The following SORT1 variants were observed in gnomAD, a reference collection of about 807,000 sequenced individuals.
SORT1 encodes sortilin.
A neutral mutation model predicts 101.7 loss-of-function variants in SORT1; 39 were observed. The ratio of observed to expected loss-of-function variants is 0.38; its 90% confidence interval spans 0.30 to 0.50. The LOEUF is 0.50. Ranked by LOEUF, SORT1 falls within the 20% of genes least tolerant of loss-of-function variation. The probability of loss-of-function intolerance (pLI) is 0.90; values close to 1 mark genes in which losing one functional copy is unlikely to be tolerated. For synonymous variants in SORT1, 396 were observed against 393.7 expected (o/e 1.01, Z -0.07); for missense variants, 878 against 1,040.4 (o/e 0.84, Z 2.15).
intron 15 of SORT1, among the ~76,000 whole-genome samples, chr1:109,322,696 AT>A (rs1266344436): frequency 2.0e-5 from 3 of 151,312 alleles, no homozygotes; most frequent in African/African-American, 7.3e-5. Context: ...TGCCCTGCTA[AT>A]TTTTTTTTGT....
chr1:109,379,714 CT>C (rs1441958456), intron 1 of SORT1, among the ~76,000 whole-genome samples: 1 of 152,106 alleles, frequency 6.6e-6, no homozygotes, highest in Non-Finnish European at 1.5e-5. Flanking sequence ...ATTATTGCCA[CT>C]TTTGGAAAAA....
At chr1:109,357,695 A>G (rs1026578693) in intron 3 of SORT1, among the ~76,000 whole-genome samples, 3 of 152,184 alleles carry the variant, frequency 2.0e-5, no homozygotes, top group African/African-American at 7.2e-5. Flanking sequence ...GTGTGTATGT[A>G]GAGGTCCCTG....
chr1:109,363,984 G>A lies in SORT1; in HGVS notation c.440+3424C>T, dbSNP rs542232306. Among the ~76,000 whole-genome samples the A allele has an allele frequency of 2.6e-5, 4 of 152,264 alleles. No homozygotes were observed. The South Asian group carries it at 8.3e-4, about 32-fold the overall frequency. The stretch of plus-strand genomic sequence containing the variant: ...GGAAAGGCAACAAGGCATATTTACA[G>A]TTTCCGCCTAAACTCTGGAAGTGGG... On this transcript the variant is annotated intron_variant, in intron 3 of 19. Coordinates refer to ENST00000256637, the MANE Select transcript of SORT1 (RefSeq NM_002959.7).
intron 3 of SORT1, among the ~76,000 whole-genome samples, chr1:109,366,021 GTAGTTTCTA>G (rs1651065100): frequency 6.6e-6 from 1 of 152,202 alleles, no homozygotes; most frequent in Non-Finnish European, 1.5e-5. Flanking sequence ...TGACCCTAGG[GTAGTTTCTA>G]TATCATCTGC....
At chr1:109,379,100 G>A (rs1248492195) in intron 1 of SORT1, among the ~76,000 whole-genome samples, 15 of 151,526 alleles carry the variant, frequency 9.9e-5, no homozygotes, top group African/African-American at 2.2e-4. Context: ...CCGAGACTGC[G>A]CCACTGCACT....
intron 11 of SORT1, among the ~76,000 whole-genome samples, chr1:109,334,826 G>T (rs1279174573): frequency 1.3e-5 from 2 of 151,918 alleles, no homozygotes; most frequent in African/African-American, 2.4e-5. Flanking sequence ...TAAAGCTGGG[G>T]AAAAAAGAAA....
Position 109,312,674 on chromosome 1 carries a change from A to G in SORT1, c.*1369T>C, listed in dbSNP as rs1658797937. ...AAAACTTTCCATACTATATTTCTAT[A>G]TAGCAAATATTCAAGCTGTATTAAA... On this transcript the variant is annotated 3_prime_UTR_variant, in exon 20 of 20. Coordinates refer to ENST00000256637, the MANE Select transcript of SORT1 (RefSeq NM_002959.7). 1 of 152,648 alleles carries G rather than the reference A, an allele frequency of 6.6e-6. No individual in the cohort carries two copies. Among genetic ancestry groups the G allele is most frequent in the Admixed American group, 6.5e-5 (1 of 15,280 alleles). 9.5% of individuals were successfully genotyped at this position (152,648 alleles called of 1,614,324 possible). A position where few individuals can be genotyped will look rare whatever the true frequency, so the allele number is the denominator to read the frequency against.
chr1:109,317,491 T>C (rs1647296401), intron 16 of SORT1, among the ~76,000 whole-genome samples: 1 of 152,256 alleles, frequency 6.6e-6, no homozygotes, highest in South Asian at 2.1e-4. Context: ...GCCTAAACTG[T>C]GCCAGACGAG....
At chr1:109,342,816 A>C (rs1355902905) in intron 8 of SORT1, among the ~76,000 whole-genome samples, 1 of 152,124 alleles carries the variant, frequency 6.6e-6, no homozygotes, top group Non-Finnish European at 1.5e-5. Flanking sequence ...GAAAGCAATT[A>C]AAACTTAACT....
chr1:109,317,883 T>A lies in SORT1; in HGVS notation c.2111A>T (p.Tyr704Phe), dbSNP rs746392929. 1 of 1,613,924 alleles carries A rather than the reference T, an allele frequency of 6.2e-7. No individual in the cohort carries two copies. Among genetic ancestry groups the A allele is most frequent in the South Asian group, 1.1e-5 (1 of 91,082 alleles). The change falls in exon 16 of 20, where the codon TAC (tyrosine) becomes TTC (phenylalanine). Residue 704 changes from tyrosine to phenylalanine, a missense_variant. Coordinates refer to ENST00000256637, the MANE Select transcript of SORT1 (RefSeq NM_002959.7). The stretch of plus-strand genomic sequence containing the variant: ...TGTTGTTAGGTGTTCTTCTCTTCCG[T>A]ACAGACAAAACTCCAGGTCGTGGCC... ...LKGHDLEFCLYGREEHLTTNG... is the reference protein window; with the variant it reads ...LKGHDLEFCLFGREEHLTTNG...
At chr1:109,314,635 G>T in intron 18 of SORT1, 37 bp downstream of exon 18, 1 of 1,418,058 alleles carries the variant, frequency 7.1e-7, no homozygotes, top group Non-Finnish European at 1.0e-6. Flanking sequence ...CTTCTGGCTT[G>T]AACTCAGTAC....
At chr1:109,335,661 T>C (rs527496298) in intron 11 of SORT1, among the ~76,000 whole-genome samples, 228 of 152,214 alleles carry the variant, frequency 1.5e-3, no homozygotes, top group African/African-American at 5.3e-3. Context: ...GTTTTTTTTT[T>C]CCCTTTTTTC....
At chr1:109,336,139 G>A in intron 11 of SORT1, 101 bp downstream of exon 11, 1 of 710,010 alleles carries the variant, frequency 1.4e-6, no homozygotes. Context: ...CTTATGCTGA[G>A]GACCCTAATC....
rs111313667 is a variant in SORT1 at position 109,345,768 on chromosome 1, A to G, written c.946T>C (p.Ser316Pro). 1 of 1,613,736 alleles carries G rather than the reference A, an allele frequency of 6.2e-7. No individual in the cohort carries two copies. Among genetic ancestry groups the G allele is most frequent in the Non-Finnish European group, 8.5e-7 (1 of 1,179,814 alleles). The stretch of plus-strand genomic sequence containing the variant: ...ATACCTACCTTATCAGCCATCACAG[A>G]GGCAAAAAGGAAACGTCCCCCAAGA... The part of the protein sequence containing the change: ...FGLGGRFLFA[S>P]VMADKDTTRR... The change falls in exon 8 of 20, where the codon TCT (serine) becomes CCT (proline). Residue 316 changes from serine (S) to proline (P), a missense_variant. By Grantham distance (74) the Ser-to-Pro change is moderately conservative (BLOSUM62 -1). Around this residue, in one of 2 missense-constraint regions of SORT1, gnomAD observed 684 missense variants for 894.5 expected, o/e 0.76. Transcript: ENST00000256637.
At chr1:109,386,151 T>C (rs2101653419) in intron 1 of SORT1, among the ~76,000 whole-genome samples, 1 of 152,298 alleles carries the variant, frequency 6.6e-6, no homozygotes, top group East Asian at 1.9e-4. Context: ...AGTCAAAAAG[T>C]TGGTAAGTGG....
At chr1:109,342,830 T>C (rs1649318758) in intron 8 of SORT1, among the ~76,000 whole-genome samples, 1 of 152,136 alleles carries the variant, frequency 6.6e-6, no homozygotes, top group East Asian at 1.9e-4. Context: ...CTTAACTCTC[T>C]GATAAATAGC....
At chr1:109,372,446 T>A (rs185898500) in intron 1 of SORT1, among the ~76,000 whole-genome samples, 73 of 152,246 alleles carry the variant, frequency 4.8e-4, no homozygotes, top group Non-Finnish European at 7.6e-4. Context: ...TTGAAAAAGA[T>A]GACGCCCAAG....
intron 1 of SORT1, chr1:109,393,039 G>C (rs188472111): frequency 8.1e-6 from 8 of 985,366 alleles, no homozygotes; most frequent in Non-Finnish European, 9.6e-6. Flanking sequence ...TCAGACTTCC[G>C]GGTGTTACAA....
At chr1:109,366,158 G>A (rs1449111333) in intron 3 of SORT1, among the ~76,000 whole-genome samples, 1 of 152,144 alleles carries the variant, frequency 6.6e-6, no homozygotes, top group Non-Finnish European at 1.5e-5. Context: ...TTACTGCTAA[G>A]GAACGGAACC....
Sources: allele counts gnomAD v4.1 joint callset (sites outside exome capture counted in the v4.1 genomes callset), GRCh38; gene constraint gnomAD v4.1.1; regional missense constraint gnomAD v4.1.1; transcripts MANE v1.5; gene names NCBI Gene and HGNC (gene_info 2026-07-23, HGNC 2026-07-21).